Variants in GRIK2 observed in about 807,000 individuals in gnomAD.
GRIK2 encodes the protein glutamate receptor ionotropic, kainate 2.
In GRIK2, 32 loss-of-function variants were observed where a neutral mutation model predicts 100.3. The observed-to-expected ratio is 0.32, with a 90% CI of 0.24 to 0.43. The LOEUF (loss-of-function observed/expected upper bound fraction) is 0.43, where lower values mean the gene tolerates loss of function less well. Ranked by LOEUF, GRIK2 falls within the 20% of genes least tolerant of loss-of-function variation. The pLI is 1.00. For missense variants in GRIK2, 843 were observed against 1,114.9 expected (o/e 0.76, Z 3.47); for synonymous variants, 417 against 389.4 (o/e 1.07, Z -0.83).
intron 2 of GRIK2, among the ~76,000 whole-genome samples, chr6:101,479,556 A>G (rs1264644955): frequency 1.3e-5 from 2 of 152,166 alleles, no homozygotes; most frequent in Admixed American, 1.3e-4. Context: ...TGAGTTTTCT[A>G]AAAGCTTTTA....
At chr6:101,556,234 G>A (rs1389519522) in intron 2 of GRIK2, among the ~76,000 whole-genome samples, 1 of 149,376 alleles carries the variant, frequency 6.7e-6, no homozygotes, top group Admixed American at 6.7e-5. Context: ...TTTTCGTAGG[G>A]TTATTAGCAG....
At chr6:101,623,443 C>T (rs893792041) in intron 3 of GRIK2, among the ~76,000 whole-genome samples, 2 of 152,044 alleles carry the variant, frequency 1.3e-5, no homozygotes, top group African/African-American at 2.4e-5. Flanking sequence ...TAATTCAAGA[C>T]TATTACATTT....
chr6:101,506,162 G>A lies in GRIK2; in HGVS notation c.115+106770G>A, dbSNP rs538203389. Among the ~76,000 whole-genome samples the A allele has an allele frequency of 1.7e-3, 253 of 152,218 alleles. 1 individual carries two copies. Among genetic ancestry groups the A allele is most frequent in the African/African-American group, 5.9e-3 (244 of 41,542 alleles). ...TGCAAAGCTGGGGTCTAAGCCCAGG[G>A]AGTCTGGCTTTAACATCCACTAGCT... On this transcript the variant is annotated intron_variant, in intron 2 of 16. Transcript: ENST00000369134.
intron 14 of GRIK2, among the ~76,000 whole-genome samples, chr6:102,033,685 G>C (rs904595132): frequency 1.3e-5 from 2 of 150,988 alleles, no homozygotes; most frequent in South Asian, 4.2e-4. Context: ...AAACAGTTTG[G>C]GTGACTTTTC....
chr6:101,576,081 T>C (rs1454451612), intron 2 of GRIK2, among the ~76,000 whole-genome samples: 1 of 152,092 alleles, frequency 6.6e-6, no homozygotes, highest in Non-Finnish European at 1.5e-5. Flanking sequence ...TATTATGATA[T>C]ATGATATTAT....
rs3029099 is a variant in GRIK2, at chr6:101,963,278, A to ATTTTTTTTTTTTTTTTT, written c.2085+34667_2085+34683dup. On this transcript the variant is annotated intron_variant, in intron 14 of 16. Coordinates refer to ENST00000369134, the MANE Select transcript of GRIK2 (RefSeq NM_021956.5). ...TATTTCATATTTATACTTATTTAGGATTTTTTTTTTTTTTTTTTTTTTTTT... is the reference window on the plus strand; with the variant it reads ...TATTTCATATTTATACTTATTTAGGATTTTTTTTTTTTTTTTTTTTTTTTTTTTTTTTTTTTTTTTTT... Among the ~76,000 whole-genome samples the ATTTTTTTTTTTTTTTTT allele has an allele frequency of 2.2e-4, 6 of 27,844 alleles. 3 individuals are homozygous for ATTTTTTTTTTTTTTTTT. The highest frequency in any genetic ancestry group is 5.0e-4 in the African/African-American group (4 of 8,044). The allele number at this position is 27,844 out of a possible 152,430, so 18.3% of individuals were successfully genotyped here.
At chr6:101,759,027 A>G (rs1210754111) in intron 7 of GRIK2, among the ~76,000 whole-genome samples, 2 of 152,168 alleles carry the variant, frequency 1.3e-5, no homozygotes, top group Non-Finnish European at 2.9e-5. Flanking sequence ...TCTTTTTGTA[A>G]TATTCATTTA....
intron 7 of GRIK2, among the ~76,000 whole-genome samples, chr6:101,785,649 A>G (rs907368774): frequency 6.6e-6 from 1 of 151,756 alleles, no homozygotes; most frequent in Non-Finnish European, 1.5e-5. Context: ...TTATTTCTGG[A>G]TTGCCCATTT....
chr6:102,054,180 G>C (rs1771349790), intron 15 of GRIK2, among the ~76,000 whole-genome samples: 1 of 152,148 alleles, frequency 6.6e-6, no homozygotes, highest in African/African-American at 2.4e-5. Context: ...GAGTTTGGTA[G>C]ATCTTCATTT....
intron 4 of GRIK2, among the ~76,000 whole-genome samples, chr6:101,646,532 G>A (rs1249053798): frequency 6.6e-6 from 1 of 151,782 alleles, no homozygotes; most frequent in Non-Finnish European, 1.5e-5. Context: ...TACACTTTAA[G>A]TACATATATT....
intron 1 of GRIK2, among the ~76,000 whole-genome samples, chr6:101,395,352 G>C (rs542231540): frequency 6.6e-6 from 1 of 152,174 alleles, no homozygotes; most frequent in Admixed American, 6.5e-5. Flanking sequence ...GACAAGTCAA[G>C]TGGAATCCTT....
chr6:101,962,679 A>T lies in GRIK2; in HGVS notation c.2085+34047A>T, dbSNP rs934701982. On this transcript the variant is annotated intron_variant, in intron 14 of 16. Coordinates refer to ENST00000369134, the MANE Select transcript of GRIK2 (RefSeq NM_021956.5). ...TCTCCATTTCACATTTTAATTCTGT[A>T]ATTTTTTGCTTCATATTTTGGGGTT... is the stretch of plus-strand genomic sequence containing the variant. Among the ~76,000 whole-genome samples the T allele has an allele frequency of 1.1e-4, 16 of 152,194 alleles. No homozygotes were observed. In the East Asian group the frequency reaches 2.9e-3, roughly 28 times the overall value.
At chr6:101,761,493 T>G (rs894341852) in intron 7 of GRIK2, among the ~76,000 whole-genome samples, 4 of 152,174 alleles carry the variant, frequency 2.6e-5, no homozygotes, top group Non-Finnish European at 5.9e-5. Context: ...GAGCTCATGA[T>G]AGCACACATG....
At chr6:101,781,569 A>C (rs1779096361) in intron 7 of GRIK2, among the ~76,000 whole-genome samples, 1 of 152,154 alleles carries the variant, frequency 6.6e-6, no homozygotes, top group Non-Finnish European at 1.5e-5. Flanking sequence ...ATACATACAC[A>C]CATACCCCTC....
chr6:101,679,067 T>C (rs1004270018), intron 5 of GRIK2, among the ~76,000 whole-genome samples: 7 of 152,082 alleles, frequency 4.6e-5, no homozygotes, highest in African/African-American at 1.7e-4. Context: ...AGAGCCAAGA[T>C]CCTCTGAAGT....
intron 2 of GRIK2, among the ~76,000 whole-genome samples, chr6:101,462,580 A>G (rs1283186460): frequency 6.6e-6 from 1 of 151,782 alleles, no homozygotes; most frequent in Non-Finnish European, 1.5e-5. Context: ...TAAAAATTAG[A>G]TTTCCTATTA....
At chr6:101,397,743 C>T (rs1361475958) in intron 1 of GRIK2, among the ~76,000 whole-genome samples, 1 of 151,956 alleles carries the variant, frequency 6.6e-6, no homozygotes, top group Admixed American at 6.6e-5. Context: ...TAAAAATTAG[C>T]CTTCAGATAG....
At chr6:101,682,379 G>A (rs1264070253) in intron 5 of GRIK2, among the ~76,000 whole-genome samples, 174 bp from the exon 6 acceptor site, 1 of 152,170 alleles carries the variant, frequency 6.6e-6, no homozygotes, top group Admixed American at 6.5e-5. Context: ...AATTCCTTCA[G>A]TAACCACTAA....
At chr6:101,466,497 G>A (rs1003369714) in intron 2 of GRIK2, among the ~76,000 whole-genome samples, 1 of 151,312 alleles carries the variant, frequency 6.6e-6, no homozygotes, top group African/African-American at 2.4e-5. Context: ...CAGTTGCTGT[G>A]TAAATAAAAC....
Sources: gnomAD v4.1 joint callset for allele counts (sites outside exome capture counted in the v4.1 genomes callset) on GRCh38, gnomAD v4.1.1 for gene constraint, MANE v1.5 for transcripts, NCBI Gene and HGNC (gene_info 2026-07-23, HGNC 2026-07-21) for gene names.